SORCS1: variants seen among roughly 807,000 people sequenced by gnomAD.
The protein encoded by SORCS1 is sortilin related VPS10 domain containing receptor 1.
A neutral mutation model predicts 146.1 loss-of-function variants in SORCS1; 60 were observed. The ratio of observed to expected loss-of-function variants is 0.41; its 90% confidence interval spans 0.33 to 0.51. SORCS1 has a LOEUF of 0.51. SORCS1 is among the 20% of genes least tolerant of loss of function. The probability of loss-of-function intolerance (pLI) is 0.21; values close to 1 mark genes in which losing one functional copy is unlikely to be tolerated. For missense variants in SORCS1, 1,352 were observed against 1,487.6 expected (o/e 0.91, Z 1.50); for synonymous variants, 637 against 584.0 (o/e 1.09, Z -1.31).
intron 1 of SORCS1, among the ~76,000 whole-genome samples, chr10:106,965,255 T>G (rs1039632013): frequency 1.3e-5 from 2 of 152,080 alleles, no homozygotes; most frequent in Admixed American, 6.5e-5. Flanking sequence ...GTGGTTTTTG[T>G]TGTATTTTTT....
At chr10:106,875,744 G>A (rs904052624) in intron 2 of SORCS1, among the ~76,000 whole-genome samples, 21 of 151,978 alleles carry the variant, frequency 1.4e-4, no homozygotes, top group African/African-American at 4.8e-4. Context: ...TTAGCTATTT[G>A]TATATCTTCT....
intron 2 of SORCS1, among the ~76,000 whole-genome samples, chr10:106,841,860 C>T (rs1460250062): frequency 1.3e-5 from 2 of 152,080 alleles, no homozygotes; most frequent in Admixed American, 6.6e-5. Flanking sequence ...TTCCAAGTTT[C>T]GACAATTATA....
At chr10:107,027,207 CAG>C (rs1369313493) in intron 1 of SORCS1, among the ~76,000 whole-genome samples, 3 of 151,708 alleles carry the variant, frequency 2.0e-5, no homozygotes, top group South Asian at 2.1e-4. Context: ...AAAATAGAAT[CAG>C]GGGATGGGAT....
intron 6 of SORCS1, among the ~76,000 whole-genome samples, chr10:106,726,829 A>G (rs113683557): frequency 0.01 from 1,561 of 152,106 alleles, 32 homozygotes; most frequent in African/African-American, 0.036. Flanking sequence ...GCTCACGCCT[A>G]TAATCCCAGC....
intron 4 of SORCS1, among the ~76,000 whole-genome samples, chr10:106,764,799 G>A (rs1017159456): frequency 1.6e-4 from 25 of 152,078 alleles, no homozygotes; most frequent in African/African-American, 5.1e-4. Flanking sequence ...CGAGGCGGGC[G>A]GATCACGAGG....
intron 1 of SORCS1, among the ~76,000 whole-genome samples, chr10:107,049,498 T>C (rs1291940286): frequency 6.6e-6 from 1 of 152,126 alleles, no homozygotes; most frequent in African/African-American, 2.4e-5. Context: ...AAATATTTTG[T>C]CTGCTACATG....
At chr10:106,669,449 C>A (rs1334492056) in intron 16 of SORCS1, among the ~76,000 whole-genome samples, 1 of 151,998 alleles carries the variant, frequency 6.6e-6, no homozygotes, top group East Asian at 1.9e-4. Flanking sequence ...AAAGCTAAAC[C>A]ACTAATGTAA....
chr10:106,951,513 G>GAAAAAAAA, intron 2 of SORCS1, among the ~76,000 whole-genome samples: 1 of 113,988 alleles, frequency 8.8e-6, no homozygotes, highest in Non-Finnish European at 1.7e-5. Context: ...CTCCGTCTCT[G>GAAAAAAAA]AAAAAAAAAA....
intron 4 of SORCS1, among the ~76,000 whole-genome samples, chr10:106,765,342 T>C (rs1224911015): frequency 1.3e-5 from 2 of 151,744 alleles, no homozygotes; most frequent in East Asian, 1.9e-4. Flanking sequence ...AGCACTTCTC[T>C]CTCTATCCTG....
intron 18 of SORCS1, among the ~76,000 whole-genome samples, chr10:106,637,158 A>C (rs1848777020): frequency 6.6e-6 from 1 of 152,212 alleles, no homozygotes; most frequent in African/African-American, 2.4e-5. Context: ...GACATTTTAT[A>C]ATAGTAAACT....
chr10:106,607,360 G>A, intron 22 of SORCS1, 63 bp from the exon 23 acceptor site: 1 of 1,593,266 alleles, frequency 6.3e-7, no homozygotes. Flanking sequence ...AAGGGACCAA[G>A]TATTTGGTGG....
intron 2 of SORCS1, among the ~76,000 whole-genome samples, chr10:106,834,991 C>T (rs550920486): frequency 3.9e-5 from 6 of 152,274 alleles, no homozygotes; most frequent in Admixed American, 2.6e-4. Flanking sequence ...CCTTACACTA[C>T]GTTTTTACAA....
At chr10:107,157,942 C>A (rs1295605237) in intron 1 of SORCS1, among the ~76,000 whole-genome samples, 1 of 152,166 alleles carries the variant, frequency 6.6e-6, no homozygotes, top group African/African-American at 2.4e-5. Flanking sequence ...CACCTTTTAG[C>A]CACAAAATAA....
At chr10:107,135,108 G>A (rs903663783) in intron 1 of SORCS1, among the ~76,000 whole-genome samples, 10 of 152,216 alleles carry the variant, frequency 6.6e-5, no homozygotes, top group Admixed American at 6.5e-5. Flanking sequence ...AAAGGGGACT[G>A]TGGGAAAGAA....
intron 1 of SORCS1, among the ~76,000 whole-genome samples, chr10:107,124,097 A>G (rs1031730264): frequency 6.6e-6 from 1 of 152,090 alleles, no homozygotes; most frequent in Non-Finnish European, 1.5e-5. Flanking sequence ...AAAAAAAAAA[A>G]AAAAGAAAAG....
At chr10:106,814,050 T>C (rs2136831456) in intron 3 of SORCS1, among the ~76,000 whole-genome samples, 1 of 152,300 alleles carries the variant, frequency 6.6e-6, no homozygotes, top group African/African-American at 2.4e-5. Context: ...ATTGACTTAT[T>C]GGCAAGTATT....
At chr10:107,002,504 T>C (rs567254396) in intron 1 of SORCS1, among the ~76,000 whole-genome samples, 1 of 152,304 alleles carries the variant, frequency 6.6e-6, no homozygotes, top group South Asian at 2.1e-4. Flanking sequence ...CCAGCCCACA[T>C]AGCACATAAT....
chr10:106,821,542 C>T (rs1239555237), intron 3 of SORCS1, among the ~76,000 whole-genome samples: 2 of 152,140 alleles, frequency 1.3e-5, no homozygotes, highest in African/African-American at 2.4e-5. Context: ...GCATTAGATG[C>T]TTCTTATATG....
intron 2 of SORCS1, among the ~76,000 whole-genome samples, chr10:106,869,172 C>G (rs34788509): frequency 0.056 from 8,491 of 152,178 alleles, 366 homozygotes; most frequent in East Asian, 0.17. Context: ...AGAACAATAA[C>G]AAGCTCTGAT....
Sources: gnomAD v4.1 joint callset for allele counts (sites outside exome capture counted in the v4.1 genomes callset) on GRCh38, gnomAD v4.1.1 for gene constraint, MANE v1.5 for transcripts, NCBI Gene and HGNC (gene_info 2026-07-23, HGNC 2026-07-21) for gene names.